Variants in ZNF469 observed in about 807,000 individuals in gnomAD.
ZNF469 encodes the protein zinc finger protein 469.
Under a neutral mutation model 1.0 loss-of-function variants are expected in ZNF469, and 1 was observed. That is an observed-to-expected ratio of 1.00 (90% CI 0.35 to 4.73). ZNF469 has a LOEUF of 4.73. Among genes scored for constraint, ZNF469 ranks in the 30% most tolerant of loss-of-function variants. ZNF469 has a pLI of 0.16. For missense variants in ZNF469, 6,100 were observed against 5,356.3 expected (o/e 1.14, Z -4.33); for synonymous variants, 2,703 against 2,363.4 (o/e 1.14, Z -4.17).
Position 88,438,406 on chromosome 16 carries a change from A to G in ZNF469, c.10936A>G (p.Lys3646Glu), listed in dbSNP as rs1222569205. ...TTTCCAGGAAGACCACCTACTTCAG[A>G]AAGAGAAGGAGGTGTCCTCAAGCCA... ...DHFQEDHLLQ[K>E]EKEVSSSHMV... Residue 3646 changes from lysine to glutamate, a missense_variant, in exon 3 of 3, where the codon AAA (lysine) becomes GAA (glutamate). Coordinates refer to ENST00000565624, the MANE Select transcript of ZNF469 (RefSeq NM_001367624.2). The G allele has an allele frequency of 1.3e-6, 2 of 1,550,128 alleles. No homozygotes were observed. The highest frequency in any genetic ancestry group is 3.9e-5 in the Admixed American group (2 of 51,012).
the ZNF469 span, among the ~76,000 whole-genome samples, chr16:88,239,668 TATATATA>T: frequency 2.5e-4 from 1 of 4,036 alleles, no homozygotes; most frequent in Admixed American, 3.4e-3. Flanking sequence ...TTTTTTTTTG[TATATATA>T]TATATATATA....
the ZNF469 span, among the ~76,000 whole-genome samples, chr16:88,358,330 C>T: frequency 6.6e-6 from 1 of 152,306 alleles, no homozygotes; most frequent in African/African-American, 2.4e-5. Flanking sequence ...TCCCACCCGG[C>T]CTCCAGGGAC....
chr16:88,229,547 A>G, the ZNF469 span, among the ~76,000 whole-genome samples: 4 of 151,732 alleles, frequency 2.6e-5, no homozygotes, highest in Non-Finnish European at 5.9e-5. Flanking sequence ...ACGCGTGTGG[A>G]TGTCACACGT....
At chr16:88,304,039 C>T in the ZNF469 span, among the ~76,000 whole-genome samples, 5 of 152,168 alleles carry the variant, frequency 3.3e-5, no homozygotes, top group African/African-American at 4.8e-5. Flanking sequence ...GGGGCAACTC[C>T]GCAGCTCCTG....
chr16:88,351,932 A>T, the ZNF469 span, among the ~76,000 whole-genome samples: 7 of 152,330 alleles, frequency 4.6e-5, no homozygotes, highest in East Asian at 1.4e-3. Flanking sequence ...GAGAAACACG[A>T]CGTGTCCCAC....
chr16:88,358,008 CAG>C, the ZNF469 span, among the ~76,000 whole-genome samples: 1 of 152,218 alleles, frequency 6.6e-6, no homozygotes, highest in South Asian at 2.1e-4. Flanking sequence ...AACTGAGGCA[CAG>C]AGAGAGGGAG....
chr16:88,263,344 A>G, the ZNF469 span, among the ~76,000 whole-genome samples: 1,043 of 152,294 alleles, frequency 6.8e-3, 7 homozygotes, highest in African/African-American at 0.023. Context: ...GGGCTCTGCC[A>G]GGCTGCTGTA....
At chr16:88,155,430 C>T in the ZNF469 span, among the ~76,000 whole-genome samples, 1 of 152,210 alleles carries the variant, frequency 6.6e-6, no homozygotes, top group Non-Finnish European at 1.5e-5. Flanking sequence ...ATTCTTGTTG[C>T]CCCAAAAGGA....
the ZNF469 span, among the ~76,000 whole-genome samples, chr16:88,108,892 G>C: frequency 6.6e-6 from 1 of 152,164 alleles, no homozygotes; most frequent in Non-Finnish European, 1.5e-5. Context: ...AGCCCCGGTC[G>C]GGACTTCAGA....
At chr16:88,344,985 C>T in the ZNF469 span, among the ~76,000 whole-genome samples, 7 of 152,166 alleles carry the variant, frequency 4.6e-5, no homozygotes, top group East Asian at 7.7e-4. Context: ...TCACAGAAGT[C>T]GCCCTGACTT....
At chr16:88,163,684 G>C in the ZNF469 span, among the ~76,000 whole-genome samples, 1 of 151,944 alleles carries the variant, frequency 6.6e-6, no homozygotes, top group Non-Finnish European at 1.5e-5. Context: ...GCAGATATAT[G>C]GGTGGGTGGA....
chr16:88,237,086 A>T, the ZNF469 span, among the ~76,000 whole-genome samples: 3 of 149,886 alleles, frequency 2.0e-5, no homozygotes, highest in African/African-American at 7.4e-5. Context: ...ATCATGGCAC[A>T]CGATCCCCAT....
chr16:88,340,723 G>A, the ZNF469 span, among the ~76,000 whole-genome samples: 4 of 149,028 alleles, frequency 2.7e-5, no homozygotes, highest in Admixed American at 6.7e-5. Context: ...AACAGAATCC[G>A]CCTGCCTGGG....
chr16:88,335,064 C>A, the ZNF469 span, among the ~76,000 whole-genome samples: 387 of 152,344 alleles, frequency 2.5e-3, 2 homozygotes, highest in African/African-American at 9.0e-3. Flanking sequence ...CAGGAAGAGG[C>A]AGGGAGGACC....
At chr16:88,419,099 G>A (rs898944521) in intron 1 of ZNF469, among the ~76,000 whole-genome samples, 1 of 152,216 alleles carries the variant, frequency 6.6e-6, no homozygotes, top group South Asian at 2.1e-4. Context: ...TCCCAGCCTT[G>A]CTGTCTCGGG....
chr16:88,128,937 A>G, the ZNF469 span, among the ~76,000 whole-genome samples: 1 of 152,260 alleles, frequency 6.6e-6, no homozygotes, highest in African/African-American at 2.4e-5. Context: ...AGGAATGACC[A>G]AGAATGGAGA....
At chr16:88,170,912 A>G in the ZNF469 span, among the ~76,000 whole-genome samples, 2 of 120,582 alleles carry the variant, frequency 1.7e-5, no homozygotes, top group African/African-American at 3.7e-5. This position sits in a 1 kb window ranked among gnomAD's most constrained non-coding sequence, Gnocchi z 4.2. Flanking sequence ...ACCCAGCACC[A>G]GGGGTAGCGG....
the ZNF469 span, among the ~76,000 whole-genome samples, chr16:88,289,392 CATGATG>C: frequency 6.7e-6 from 1 of 150,328 alleles, no homozygotes; most frequent in Admixed American, 6.6e-5. Context: ...TGGTGATGAT[CATGATG>C]ATGGTGATGA....
At position 88,439,437 on chromosome 16, in the gene ZNF469, C is replaced by A; in HGVS notation, c.*105C>A. On this transcript the variant is annotated 3_prime_UTR_variant, in exon 3 of 3. Coordinates refer to ENST00000565624, the MANE Select transcript of ZNF469 (RefSeq NM_001367624.2). ...GATGGTCCACTCTGTGGCCACTTGA[C>A]TTCTTGTGCAACTGCTCAGGCCTTG... 1 of 1,286,364 alleles carries A rather than the reference C, an allele frequency of 7.8e-7. No individual in the cohort carries two copies. Among genetic ancestry groups the A allele is most frequent in the Non-Finnish European group, 1.1e-6 (1 of 911,752 alleles). The allele number at this position is 1,286,364 out of a possible 1,614,324, so 79.7% of individuals were successfully genotyped here.
Sources: gnomAD v4.1 joint callset for allele counts (sites outside exome capture counted in the v4.1 genomes callset) on GRCh38, gnomAD v4.1.1 for gene constraint, Gnocchi (gnomAD v3.1) non-coding constraint, MANE v1.5 for transcripts, NCBI Gene and HGNC (gene_info 2026-07-23, HGNC 2026-07-21) for gene names.